The following EFCAB6 variants were observed in gnomAD, a reference collection of about 807,000 sequenced individuals.
The protein encoded by EFCAB6 is EF-hand calcium-binding domain-containing protein 6.
A neutral mutation model predicts 169.8 loss-of-function variants in EFCAB6; 156 were observed. That is an observed-to-expected ratio of 0.92 (90% CI 0.81 to 1.05). The LOEUF (loss-of-function observed/expected upper bound fraction) is 1.05. EFCAB6 is among the 50% of genes least tolerant of loss of function. EFCAB6 has a pLI of 0.00. For synonymous variants in EFCAB6, 698 were observed against 676.4 expected, an observed-to-expected ratio of 1.03 and a Z score of -0.50; for missense variants, 1,800 against 1,829.1, an observed-to-expected ratio of 0.98 and a Z score of 0.29.
In EFCAB6 at chr22:43,538,472, T is replaced by A. The variant is rs191490928; in HGVS notation, c.3880-927A>T. Among the ~76,000 whole-genome samples the A allele has an allele frequency of 1.6e-3, 245 of 152,302 alleles. 2 individuals are homozygous for A. Among genetic ancestry groups the A allele is most frequent in the African/African-American group, 5.5e-3 (229 of 41,574 alleles). ...GGTGCAATCTCGGCTCACTGCAACC[T>A]CCGCTTCCCAGGTTCACGCCATTCT... On this transcript the variant is annotated intron_variant, in intron 28 of 31. Transcript: ENST00000262726.
At chr22:43,585,444 G>A (rs1370611105) in intron 24 of EFCAB6, among the ~76,000 whole-genome samples, 5 of 152,178 alleles carry the variant, frequency 3.3e-5, no homozygotes, top group African/African-American at 1.2e-4. Flanking sequence ...AGAACGGGGA[G>A]AGGGTGGATA....
At chr22:43,674,610 T>C (rs951145079) in intron 13 of EFCAB6, among the ~76,000 whole-genome samples, 2 of 152,228 alleles carry the variant, frequency 1.3e-5, no homozygotes, top group Non-Finnish European at 2.9e-5. Flanking sequence ...AAGACAGGCA[T>C]GATCTGTTTT....
intron 19 of EFCAB6, among the ~76,000 whole-genome samples, chr22:43,631,435 C>T (rs2054934083): frequency 6.6e-6 from 1 of 151,964 alleles, no homozygotes; most frequent in African/African-American, 2.4e-5. Context: ...CATGCTTTTC[C>T]CCAGAGCCCA....
chr22:43,634,660 A>C, intron 18 of EFCAB6, among the ~76,000 whole-genome samples: 1 of 133,842 alleles, frequency 7.5e-6, no homozygotes. Context: ...GGGTTTCCTA[A>C]CATCCGGTGG....
chr22:43,675,612 A>T (rs971401969), intron 13 of EFCAB6, among the ~76,000 whole-genome samples: 1 of 135,562 alleles, frequency 7.4e-6, no homozygotes, highest in African/African-American at 3.3e-5. Flanking sequence ...CTGATATATA[A>T]TATATTATAC....
intron 7 of EFCAB6, among the ~76,000 whole-genome samples, chr22:43,733,911 G>A (rs1678807868): frequency 1.3e-5 from 2 of 152,132 alleles, no homozygotes; most frequent in Non-Finnish European, 2.9e-5. Context: ...GTTTCACCAT[G>A]TTGGCCAGGA....
chr22:43,750,047 C>G (rs1319553219), intron 6 of EFCAB6, among the ~76,000 whole-genome samples: 1 of 152,082 alleles, frequency 6.6e-6, no homozygotes, highest in East Asian at 1.9e-4. Flanking sequence ...AGACTGTACC[C>G]CCACACCATG....
intron 22 of EFCAB6, among the ~76,000 whole-genome samples, chr22:43,600,614 A>G (rs1209980831): frequency 6.6e-6 from 1 of 151,988 alleles, no homozygotes; most frequent in Non-Finnish European, 1.5e-5. Flanking sequence ...TGACTACAGA[A>G]AATTAAAGTC....
chr22:43,755,827 C>A lies in EFCAB6; in HGVS notation c.446G>T (p.Gly149Val). Residue 149 changes from glycine (G) to valine (V), a missense_variant, in exon 6 of 32, where the codon GGT (glycine) becomes GTT (valine). Transcript: ENST00000262726. ...DLYINGIKRGGGNEMNCCRTL... is the reference protein window; with the variant it reads ...DLYINGIKRGVGNEMNCCRTL... ...GCGGCAGCAATTCATTTCATTCCCA[C>A]CTCCCCTTAGAAATAAAAAAAAAAT... 1 of 1,603,502 alleles carries A rather than the reference C, an allele frequency of 6.2e-7. No homozygotes were observed.
intron 2 of EFCAB6, among the ~76,000 whole-genome samples, chr22:43,784,574 C>T (rs9614184): frequency 0.3 from 16,393 of 54,174 alleles, 3,528 homozygotes; most frequent in East Asian, 0.82. Flanking sequence ...TATATGTGTA[C>T]ATATACACAT....
Position 43,683,871 on chromosome 22 carries a change from G to T in EFCAB6, c.1143-16C>A. The T allele has an allele frequency of 6.4e-7, 1 of 1,561,244 alleles. No individual in the cohort carries two copies. On this transcript the variant is annotated splice_polypyrimidine_tract_variant and intron_variant, in intron 11 of 31. Transcript: ENST00000262726. ...AGAGTTGATGCTACAAGAGGATTAG[G>T]AGAAAAGCAGGAATAAGATTATGTT...
chr22:43,667,244 G>C lies in EFCAB6; in HGVS notation c.1843C>G (p.Leu615Val). 6.2e-7 allele frequency: 1 copy of C among 1,613,994 alleles called. No homozygotes were observed. Among genetic ancestry groups the C allele is most frequent in the South Asian group, 1.1e-5 (1 of 91,048 alleles). Residue 615 changes from leucine (L) to valine (V), a missense_variant, in exon 17 of 32, where the codon CTG becomes GTG. Coordinates refer to ENST00000262726, the MANE Select transcript of EFCAB6 (RefSeq NM_022785.4). ...RTKLTEDKTT[L>V]TKKMTTEEVI... The stretch of plus-strand genomic sequence containing the variant: ...TCTTCTGTGGTCATCTTCTTGGTCA[G>C]GGTGGTTTTATCCTCCGTGAGCTTG...
chr22:43,743,445 G>A (rs1459263455), intron 6 of EFCAB6, among the ~76,000 whole-genome samples: 2 of 152,190 alleles, frequency 1.3e-5, no homozygotes, highest in Non-Finnish European at 2.9e-5. Flanking sequence ...TCCCAGCTCC[G>A]CACCTGTTAT....
At chr22:43,596,816 A>T (rs2052047669) in intron 23 of EFCAB6, among the ~76,000 whole-genome samples, 2 of 152,176 alleles carry the variant, frequency 1.3e-5, no homozygotes, top group Admixed American at 1.3e-4. Context: ...AAAAAGAACA[A>T]AGCTAGAGGC....
rs539728213 is a variant in EFCAB6, at chr22:43,702,700, C to A, written c.1031+8775G>T. ...ACAAAGCAAGGAGACAAAGCGGGAG[C>A]TCTGTGTACCTGCCAACAGTGGTGC... On this transcript the variant is annotated intron_variant, in intron 10 of 31. Coordinates refer to ENST00000262726, the MANE Select transcript of EFCAB6 (RefSeq NM_022785.4). Among the ~76,000 whole-genome samples the A allele has an allele frequency of 2.0e-4, 31 of 152,268 alleles. No homozygotes were observed. In the East Asian group the frequency reaches 5.6e-3, roughly 28 times the overall value.
rs575898122 is a variant in EFCAB6 at position 43,791,219 on chromosome 22, A to G, written c.-7-8894T>C. On this transcript the variant is annotated intron_variant, in intron 2 of 31. Coordinates refer to ENST00000262726, the MANE Select transcript of EFCAB6 (RefSeq NM_022785.4). ...CAAAACCCTGTCACTACAAAAATAC[A>G]AAAATGAGCCAGGTGTGGTGGTGCA... 2.0e-5 allele frequency among the ~76,000 whole-genome samples: 3 copies of G among 152,222 alleles called. No homozygotes were observed. In the South Asian group the frequency reaches 6.2e-4, roughly 32 times the overall value.
chr22:43,640,112 C>T (rs2055697576), intron 17 of EFCAB6, among the ~76,000 whole-genome samples: 1 of 152,020 alleles, frequency 6.6e-6, no homozygotes, highest in Non-Finnish European at 1.5e-5. Flanking sequence ...AGTGTTAATT[C>T]TAACATCTGT....
intron 2 of EFCAB6, among the ~76,000 whole-genome samples, chr22:43,787,629 T>C (rs1160001812): frequency 1.3e-5 from 2 of 152,140 alleles, no homozygotes; most frequent in Non-Finnish European, 2.9e-5. Flanking sequence ...AAATATCCCA[T>C]GTTCATGGAT....
In EFCAB6 at chr22:43,672,320, G is replaced by T. The variant is rs760260902; in HGVS notation, c.1420-15C>A. The T allele has an allele frequency of 1.9e-6, 3 of 1,613,254 alleles. No homozygotes were observed. In the African/African-American group the frequency reaches 4.0e-5, roughly 22 times the overall value. On this transcript the variant is annotated splice_polypyrimidine_tract_variant and intron_variant, in intron 13 of 31. Coordinates refer to ENST00000262726, the MANE Select transcript of EFCAB6 (RefSeq NM_022785.4). ...GTCTTTCTCATCTAATTGGGAAAGA[G>T]AAAGTATATAAATAAATACCACTCA...
Sources: allele counts gnomAD v4.1 joint callset (sites outside exome capture counted in the v4.1 genomes callset), GRCh38; gene constraint gnomAD v4.1.1; transcripts MANE v1.5; gene names NCBI Gene and HGNC (gene_info 2026-07-23, HGNC 2026-07-21).